Variants in DNAH2 observed in about 807,000 individuals in gnomAD.
DNAH2 encodes dynein axonemal heavy chain 2, also known as axonemal beta dynein heavy chain 2.
In DNAH2, 323 loss-of-function variants were observed where a neutral mutation model predicts 523.5. The observed-to-expected ratio is 0.62, with a 90% CI of 0.56 to 0.68. DNAH2 has a LOEUF of 0.68. Among genes scored for constraint, DNAH2 ranks in the 30% least tolerant of loss-of-function variants. DNAH2 has a pLI of 0.00. For missense variants in DNAH2, 4,907 were observed against 5,701.5 expected, an observed-to-expected ratio of 0.86 and a Z score of 4.49; for synonymous variants, 2,093 against 2,177.4, an observed-to-expected ratio of 0.96 and a Z score of 1.08.
intron 56 of DNAH2, among the ~76,000 whole-genome samples, chr17:7,799,749 C>G (rs2077171333): frequency 1.3e-5 from 2 of 150,826 alleles, no homozygotes; most frequent in Non-Finnish European, 3.0e-5. Flanking sequence ...ACCCGGGAGG[C>G]AGAGGTTGCA....
In DNAH2 at chr17:7,770,318, G is replaced by A. The variant is rs377218531; in HGVS notation, c.4008G>A (p.Leu1336=). 1 of 1,613,938 alleles carries A rather than the reference G, an allele frequency of 6.2e-7. No individual in the cohort carries two copies. The highest frequency in any genetic ancestry group is 1.3e-5 in the African/African-American group (1 of 74,920). The change falls in exon 25 of 86, where the codon TTG becomes TTA. Residue 1336 remains leucine, a synonymous_variant. Coordinates refer to ENST00000572933, the MANE Select transcript of DNAH2 (RefSeq NM_020877.5). ...ATCAGGAATCTGAAAGCTTCACCTT[G>A]GAGCAGATTGTGGAGCTTGGGATGG... ...EFDQESESFT[L]EQIVELGMDQ...
chr17:7,828,755 A>T lies in DNAH2; in HGVS notation c.11854-1545A>T, dbSNP rs2151346983. ...CACTATGCCTGGCCTAAAATTCTGT[A>T]ATTTTCTCCGTAAATAATCATACAT... is the stretch of plus-strand genomic sequence containing the variant. On this transcript the variant is annotated intron_variant, in intron 77 of 85. Coordinates refer to ENST00000572933, the MANE Select transcript of DNAH2 (RefSeq NM_020877.5). The surrounding 1 kb of genome is among the most constrained non-coding windows in gnomAD (Gnocchi z 4.1). Among the ~76,000 whole-genome samples the T allele has an allele frequency of 6.6e-6, 1 of 152,126 alleles. No individual in the cohort carries two copies. The highest frequency in any genetic ancestry group is 1.9e-4 in the East Asian group (1 of 5,176).
intron 8 of DNAH2, among the ~76,000 whole-genome samples, chr17:7,739,260 G>T (rs1031944323): frequency 1.3e-5 from 2 of 152,142 alleles, no homozygotes; most frequent in Non-Finnish European, 2.9e-5. Context: ...ACAAAAATTA[G>T]CCGGGCCTGG....
rs1443907498 is a variant in DNAH2 at position 7,830,831 on chromosome 17, T to C, written c.12219T>C (p.Thr4073=). The change falls in exon 79 of 86, where the codon ACT becomes ACC. Residue 4073 remains threonine, a synonymous_variant. Transcript: ENST00000572933. ...ATTTCTGTGACCAGTCTCTATCAAC[T>C]CCCTTCCACCGGTGAGGGGGAGGTG... ...NDYFCDQSLS[T]PFHRLSALET... The C allele has an allele frequency of 2.5e-6, 4 of 1,613,752 alleles. No individual in the cohort carries two copies. The South Asian group carries it at 4.4e-5, about 18-fold the overall frequency.
At position 7,817,727 on chromosome 17, in the gene DNAH2, C is replaced by T. The variant is rs200719690; in HGVS notation, c.10169+18C>T. 6.3e-5 allele frequency: 102 copies of T among 1,614,090 alleles called. No homozygotes were observed. The highest frequency in any genetic ancestry group is 1.3e-4 in the East Asian group (6 of 44,868). ...GGCAACAGGTGAGGGTGCTGCTGGG[C>T]GTGGGGGCGGTACGGGAGCATGGGA... On this transcript the variant is annotated intron_variant, in intron 66 of 85. Transcript: ENST00000572933.
At chr17:7,805,167 A>C (rs2077335497) in intron 60 of DNAH2, 85 bp from the exon 61 acceptor site, 11 of 1,595,388 alleles carry the variant, frequency 6.9e-6, no homozygotes, top group Non-Finnish European at 9.4e-6. Context: ...GACTCTGGGG[A>C]AGTGGGAAGA....
At chr17:7,766,894 C>G (rs1456795849) in intron 22 of DNAH2, among the ~76,000 whole-genome samples, 1 of 152,008 alleles carries the variant, frequency 6.6e-6, no homozygotes, top group Non-Finnish European at 1.5e-5. Flanking sequence ...AGGTGATCCA[C>G]CTGGCTCGAC....
chr17:7,831,657 T>C lies in DNAH2; in HGVS notation c.12612-4T>C, dbSNP rs1458234553. 17 of 1,614,036 alleles carry C rather than the reference T, an allele frequency of 1.1e-5. No individual in the cohort carries two copies. The highest frequency in any genetic ancestry group is 6.6e-5 in the South Asian group (6 of 91,076). On this transcript the variant is annotated splice_region_variant and splice_polypyrimidine_tract_variant and intron_variant, in intron 81 of 85. Transcript: ENST00000572933. The surrounding 1 kb of genome is among the most constrained non-coding windows in gnomAD (Gnocchi z 4.2). ...TCTCTAACACTCCACCTCATCCTGC[T>C]CAGGTTCTCACTGACAGACCTAGAG...
At position 7,771,333 on chromosome 17, in the gene DNAH2, A is replaced by G; in HGVS notation, c.4366A>G (p.Ile1456Val). 1 of 1,614,058 alleles carries G rather than the reference A, an allele frequency of 6.2e-7. No homozygotes were observed. The highest frequency in any genetic ancestry group is 8.5e-7 in the Non-Finnish European group (1 of 1,180,000). Reference protein sequence around the residue: ...VQRQWMYLENIFLGEDIRKQL... With the variant: ...VQRQWMYLENVFLGEDIRKQL... ...CCCCAACTTTTGGCCCCCTCAGAAT[A>G]TCTTCCTAGGAGAAGACATCCGCAA... is the stretch of plus-strand genomic sequence containing the variant. The change falls in exon 28 of 86, where the codon ATC becomes GTC. Residue 1456 changes from isoleucine to valine, a missense_variant. Around this residue, in one of 3 missense-constraint regions of DNAH2, gnomAD observed 2,806 missense variants for 3,190.8 expected, o/e 0.88. Transcript: ENST00000572933.
intron 11 of DNAH2, among the ~76,000 whole-genome samples, chr17:7,741,899 G>A (rs957560763): frequency 1.4e-5 from 2 of 140,092 alleles, no homozygotes; most frequent in African/African-American, 5.3e-5. Flanking sequence ...CCGACCTCAG[G>A]TGATCCACCC....
chr17:7,787,109 G>T, intron 42 of DNAH2, 76 bp downstream of exon 42: 1 of 1,561,120 alleles, frequency 6.4e-7, no homozygotes, highest in Non-Finnish European at 8.7e-7. Context: ...GGGGAGGAGA[G>T]CCAGAAATCT....
chr17:7,769,067 A>G (rs1170566704), intron 24 of DNAH2, among the ~76,000 whole-genome samples: 1 of 152,186 alleles, frequency 6.6e-6, no homozygotes, highest in East Asian at 1.9e-4. Flanking sequence ...CGGGTCATCC[A>G]GCCTTGCTGG....
chr17:7,769,966 A>G (rs1156271690), intron 24 of DNAH2, among the ~76,000 whole-genome samples: 1 of 152,184 alleles, frequency 6.6e-6, no homozygotes, highest in Non-Finnish European at 1.5e-5. Context: ...GAGATGTTTC[A>G]TGTAAGGCCT....
intron 42 of DNAH2, 125 bp downstream of exon 42, chr17:7,787,158 G>T: frequency 8.2e-7 from 1 of 1,226,838 alleles, no homozygotes; most frequent in Non-Finnish European, 1.1e-6. Context: ...GCTGAAAGGT[G>T]GATGCCTGGA....
At chr17:7,739,668 C>A in intron 8 of DNAH2, 65 bp from the exon 9 acceptor site, 1 of 1,472,304 alleles carries the variant, frequency 6.8e-7, no homozygotes, top group South Asian at 1.2e-5. Context: ...GAAGCTAAAC[C>A]AAATAGCTTA....
rs755127421 is a variant in DNAH2, at chr17:7,819,274, C to T, written c.10881C>T (p.Ile3627=). ...TCGTGCTCAATGATATGGGCTGCAT[C>T]GACCCCATGTACCAGTTCTCACTGG... The part of the protein sequence containing the change: ...LFFVLNDMGC[I]DPMYQFSLDA... The change falls in exon 72 of 86, where the codon ATC becomes ATT. Residue 3627 remains isoleucine (I), a synonymous_variant. Transcript: ENST00000572933. 1.2e-5 allele frequency: 19 copies of T among 1,614,020 alleles called. No homozygotes were observed. Among genetic ancestry groups the T allele is most frequent in the African/African-American group, 9.3e-5 (7 of 74,942 alleles).
In DNAH2 at chr17:7,801,494, A is replaced by G. The variant is rs946851746; in HGVS notation, c.8700-84A>G. ...GATGGGGCATTTTAGGTTCTTAGAAAGTGAGTGGATGCGTGTTGGGAAGCC... is the reference window on the plus strand; with the variant it reads ...GATGGGGCATTTTAGGTTCTTAGAAGGTGAGTGGATGCGTGTTGGGAAGCC... On this transcript the variant is annotated intron_variant, in intron 56 of 85. Transcript: ENST00000572933. 3 of 1,581,548 alleles carry G rather than the reference A, an allele frequency of 1.9e-6. No individual in the cohort carries two copies. The Admixed American group carries it at 5.2e-5, about 27-fold the overall frequency.
chr17:7,719,920 G>A lies in DNAH2; in HGVS notation c.166+20G>A. 6.7e-7 allele frequency: 1 copy of A among 1,495,558 alleles called. No individual in the cohort carries two copies. The highest frequency in any genetic ancestry group is 8.9e-7 in the Non-Finnish European group (1 of 1,123,022). 92.6% of individuals were successfully genotyped at this position (1,495,558 alleles called of 1,614,324 possible). On this transcript the variant is annotated intron_variant, in intron 2 of 85. Coordinates refer to ENST00000572933, the MANE Select transcript of DNAH2 (RefSeq NM_020877.5). ...AGCCTGGTGGGTACTTGCTGGGGCA[G>A]AGGATGCTTAGCAATGGAGGGTGGG...
chr17:7,718,709 GCA>G lies in DNAH2; in HGVS notation c.-102_-101del, dbSNP rs1383100288. 1 of 152,716 alleles carries G rather than the reference GCA, an allele frequency of 6.5e-6. No individual in the cohort carries two copies. Among genetic ancestry groups the G allele is most frequent in the Non-Finnish European group, 1.5e-5 (1 of 68,064 alleles). The allele number at this position is 152,716 out of a possible 1,614,324, so 9.5% of individuals were successfully genotyped here. ...TGATCCTGACTGATCTTAACCATTAGCACAGAGTTCCTCAGCCAACTCTGCTA... is the reference window on the plus strand; with the variant it reads ...TGATCCTGACTGATCTTAACCATTAGCAGAGTTCCTCAGCCAACTCTGCTA... On this transcript the variant is annotated 5_prime_UTR_variant, in exon 1 of 86. Coordinates refer to ENST00000572933, the MANE Select transcript of DNAH2 (RefSeq NM_020877.5).
Sources: allele counts gnomAD v4.1 joint callset (sites outside exome capture counted in the v4.1 genomes callset), GRCh38; gene constraint gnomAD v4.1.1; regional missense constraint gnomAD v4.1.1; non-coding constraint Gnocchi (gnomAD v3.1); transcripts MANE v1.5; gene names NCBI Gene and HGNC (gene_info 2026-07-23, HGNC 2026-07-21).